The following GALNT18 variants were observed in gnomAD, a reference collection of about 807,000 sequenced individuals.
GALNT18 encodes the protein polypeptide N-acetylgalactosaminyltransferase 18.
In GALNT18, 44 loss-of-function variants were observed where a neutral mutation model predicts 69.5. That is an observed-to-expected ratio of 0.63 (90% confidence interval 0.50 to 0.81). The LOEUF (loss-of-function observed/expected upper bound fraction) is 0.81, where lower values mean the gene tolerates loss of function less well. Among genes scored for constraint, GALNT18 ranks in the 40% least tolerant of loss-of-function variants. The pLI is 0.00. For missense variants in GALNT18, 715 were observed against 810.0 expected, an observed-to-expected ratio of 0.88 and a Z score of 1.42; for synonymous variants, 364 against 318.2, an observed-to-expected ratio of 1.14 and a Z score of -1.53.
At chr11:11,399,534 G>A (rs781020081) in intron 3 of GALNT18, among the ~76,000 whole-genome samples, 18 of 152,092 alleles carry the variant, frequency 1.2e-4, no homozygotes, top group Non-Finnish European at 2.1e-4. Flanking sequence ...TGCAGGTCAG[G>A]AACACATGTA....
chr11:11,276,702 TGA>T (rs1384589798), intron 10 of GALNT18, among the ~76,000 whole-genome samples: 2 of 151,782 alleles, frequency 1.3e-5, no homozygotes, highest in African/African-American at 4.8e-5. Context: ...CCTAGTTTAT[TGA>T]GAGTGTTTGG....
chr11:11,496,196 AG>A lies in GALNT18; in HGVS notation c.236-47261del, dbSNP rs1341531758. Reference sequence around the variant, plus strand: ...TGCAAACACTTCTCCACTAACTTAAAGGGCTGGTTTAGAATATAGCAATAGA... The same window carrying A: ...TGCAAACACTTCTCCACTAACTTAAAGGCTGGTTTAGAATATAGCAATAGA... On this transcript the variant is annotated intron_variant, in intron 1 of 10. Transcript: ENST00000227756. The surrounding 1 kb of genome is among the most constrained non-coding windows in gnomAD (Gnocchi z 4.0). 6.6e-6 allele frequency among the ~76,000 whole-genome samples: 1 copy of A among 152,230 alleles called. No homozygotes were observed. The highest frequency in any genetic ancestry group is 1.5e-5 in the Non-Finnish European group (1 of 68,034).
chr11:11,481,636 T>C (rs1281813999), intron 1 of GALNT18, among the ~76,000 whole-genome samples: 1 of 152,134 alleles, frequency 6.6e-6, no homozygotes, highest in East Asian at 1.9e-4. Context: ...CCTGCCCTAG[T>C]GTAGTAGACA....
rs1393772608 is a variant in GALNT18, at chr11:11,457,140, G to A, written c.236-8204C>T. ...TTCCTGCATGAAGGGTTCTGCTTCA[G>A]TGGGCAGTCCACACAAAGCACTGGC... On this transcript the variant is annotated intron_variant, in intron 1 of 10. Coordinates refer to ENST00000227756, the MANE Select transcript of GALNT18 (RefSeq NM_198516.3). 2.0e-5 allele frequency among the ~76,000 whole-genome samples: 3 copies of A among 152,252 alleles called. No individual in the cohort carries two copies. The East Asian group carries it at 5.8e-4, about 29-fold the overall frequency.
chr11:11,428,986 C>T (rs1855204120), intron 3 of GALNT18, among the ~76,000 whole-genome samples: 1 of 152,066 alleles, frequency 6.6e-6, no homozygotes, highest in Non-Finnish European at 1.5e-5. Flanking sequence ...TTTTGGAAAA[C>T]ATTGCTCCAG....
intron 6 of GALNT18, chr11:11,352,191 T>C (rs757038567): frequency 6.2e-7 from 1 of 1,613,680 alleles, no homozygotes; most frequent in South Asian, 1.1e-5. Flanking sequence ...AAGCCGTGAC[T>C]GGTGGTCATA....
rs556927448 is a variant in GALNT18, at chr11:11,341,981, T to A, written c.1093-977A>T. Among the ~76,000 whole-genome samples, 1,393 of 146,944 alleles carry A rather than the reference T, an allele frequency of 9.5e-3. 11 individuals carry two copies. The highest frequency in any genetic ancestry group is 0.029 in the South Asian group (131 of 4,528). ...TAAAACATTAAAATTTTTTTTTTTT[T>A]AAAAAGACCTTGACTATATGGCCCC... On this transcript the variant is annotated intron_variant, in intron 6 of 10. Coordinates refer to ENST00000227756, the MANE Select transcript of GALNT18 (RefSeq NM_198516.3). The surrounding 1 kb of genome is among the most constrained non-coding windows in gnomAD (Gnocchi z 6.3).
rs565767286 is a variant in GALNT18 at position 11,600,601 on chromosome 11, A to G, written c.235+20758T>C. Reference sequence around the variant, plus strand: ...TCTCTCTTTAGCTTTCAAAATTTCAACTATGATGTGTCTGGATGTGGCTTT... The same window carrying G: ...TCTCTCTTTAGCTTTCAAAATTTCAGCTATGATGTGTCTGGATGTGGCTTT... On this transcript the variant is annotated intron_variant, in intron 1 of 10. Coordinates refer to ENST00000227756, the MANE Select transcript of GALNT18 (RefSeq NM_198516.3). The surrounding 1 kb of genome is among the most constrained non-coding windows in gnomAD (Gnocchi z 4.8). 6.6e-6 allele frequency among the ~76,000 whole-genome samples: 1 copy of G among 152,172 alleles called. No individual in the cohort carries two copies. Among genetic ancestry groups the G allele is most frequent in the South Asian group, 2.1e-4 (1 of 4,822 alleles).
chr11:11,307,819 C>T (rs1849604638), intron 9 of GALNT18, among the ~76,000 whole-genome samples: 1 of 152,206 alleles, frequency 6.6e-6, no homozygotes, highest in South Asian at 2.1e-4. Flanking sequence ...TCCTTTGGCA[C>T]AGTGGAAACT....
intron 3 of GALNT18, among the ~76,000 whole-genome samples, chr11:11,395,832 G>T (rs530380847): frequency 6.6e-6 from 1 of 152,048 alleles, no homozygotes; most frequent in African/African-American, 2.4e-5. Flanking sequence ...GCTCTGAAAC[G>T]CTGGGGAAAC....
chr11:11,379,060 C>G (rs765818961), intron 4 of GALNT18, 21 bp downstream of exon 4: 48 of 1,557,604 alleles, frequency 3.1e-5, no homozygotes, highest in Non-Finnish European at 4.1e-5. Context: ...GACTCCTCCT[C>G]CTCTCCCAAG....
At chr11:11,572,466 CAG>C in intron 1 of GALNT18, among the ~76,000 whole-genome samples, 1 of 152,322 alleles carries the variant, frequency 6.6e-6, no homozygotes, top group African/African-American at 2.4e-5. Context: ...ATAACCGAGA[CAG>C]AGTTTAGGCA....
Position 11,555,554 on chromosome 11 carries a change from A to T in GALNT18, c.235+65805T>A, listed in dbSNP as rs942115339. 6.6e-6 allele frequency among the ~76,000 whole-genome samples: 1 copy of T among 152,204 alleles called. No individual in the cohort carries two copies. Among genetic ancestry groups the T allele is most frequent in the Non-Finnish European group, 1.5e-5 (1 of 68,036 alleles). On this transcript the variant is annotated intron_variant, in intron 1 of 10. Coordinates refer to ENST00000227756, the MANE Select transcript of GALNT18 (RefSeq NM_198516.3). The surrounding 1 kb of genome is among the most constrained non-coding windows in gnomAD (Gnocchi z 4.7). Reference sequence around the variant, plus strand: ...TTGAATGCCCTGGCTTTAGACTTCTAATCTCCAGAACTATGAGAGAATAAA... The same window carrying T: ...TTGAATGCCCTGGCTTTAGACTTCTTATCTCCAGAACTATGAGAGAATAAA...
chr11:11,331,855 A>T (rs1451506837), intron 8 of GALNT18, among the ~76,000 whole-genome samples: 1 of 152,178 alleles, frequency 6.6e-6, no homozygotes, highest in East Asian at 1.9e-4. Context: ...GATAGCCAAA[A>T]ATCAATCAAA....
rs1453926819 is a variant in GALNT18 at position 11,454,856 on chromosome 11, A to T, written c.236-5920T>A. Among the ~76,000 whole-genome samples, 1 of 152,182 alleles carries T rather than the reference A, an allele frequency of 6.6e-6. No homozygotes were observed. The highest frequency in any genetic ancestry group is 1.5e-5 in the Non-Finnish European group (1 of 68,030). ...CAGAAATCCTCACCATCAAGCCCTGAGGGGAGGATTCCCTCCAGAGGACAC... is the reference window on the plus strand; with the variant it reads ...CAGAAATCCTCACCATCAAGCCCTGTGGGGAGGATTCCCTCCAGAGGACAC... On this transcript the variant is annotated intron_variant, in intron 1 of 10. Coordinates refer to ENST00000227756, the MANE Select transcript of GALNT18 (RefSeq NM_198516.3). The surrounding 1 kb of genome is among the most constrained non-coding windows in gnomAD (Gnocchi z 4.2).
intron 10 of GALNT18, among the ~76,000 whole-genome samples, chr11:11,288,489 G>C (rs1475819597): frequency 1.3e-5 from 2 of 152,182 alleles, no homozygotes; most frequent in African/African-American, 4.8e-5. Flanking sequence ...CTCGGTTTCT[G>C]TTCTCATCAT....
intron 1 of GALNT18, among the ~76,000 whole-genome samples, chr11:11,560,978 T>A (rs1858491395): frequency 1.3e-5 from 2 of 152,212 alleles, no homozygotes; most frequent in Non-Finnish European, 2.9e-5. Flanking sequence ...ACTTCTGCCA[T>A]GGAAAACTCA....
intron 1 of GALNT18, among the ~76,000 whole-genome samples, chr11:11,558,587 C>T (rs75550020): frequency 3.7e-4 from 57 of 152,344 alleles, no homozygotes; most frequent in African/African-American, 1.2e-3. Flanking sequence ...TTCCACCCTT[C>T]TTTAGAAGCA....
At chr11:11,398,538 G>A (rs1299093274) in intron 3 of GALNT18, among the ~76,000 whole-genome samples, 1 of 152,192 alleles carries the variant, frequency 6.6e-6, no homozygotes, top group Non-Finnish European at 1.5e-5. Context: ...GCAGAACCAG[G>A]ATATGAACTC....
Sources: gnomAD v4.1 joint callset for allele counts (sites outside exome capture counted in the v4.1 genomes callset) on GRCh38, gnomAD v4.1.1 for gene constraint, Gnocchi (gnomAD v3.1) non-coding constraint, MANE v1.5 for transcripts, NCBI Gene and HGNC (gene_info 2026-07-23, HGNC 2026-07-21) for gene names.